CDK19: variants seen among roughly 807,000 people sequenced by gnomAD.
The protein encoded by CDK19 is cyclin-dependent kinase 19.
Under a neutral mutation model 68.3 loss-of-function variants are expected in CDK19, and 20 were observed. That is an observed-to-expected ratio of 0.29 (90% CI 0.21 to 0.43). The LOEUF (loss-of-function observed/expected upper bound fraction) is 0.43, where lower values mean the gene tolerates loss of function less well. CDK19 is among the 20% of genes least tolerant of loss of function. The pLI, the probability that CDK19 is intolerant of heterozygous loss-of-function variation, is 1.00. For synonymous variants in CDK19, 221 were observed against 222.8 expected (o/e 0.99, Z 0.07); for missense variants, 339 against 623.5 (o/e 0.54, Z 4.86).
chr6:110,747,695 C>T (rs1778174052), intron 1 of CDK19, among the ~76,000 whole-genome samples: 1 of 152,112 alleles, frequency 6.6e-6, no homozygotes, highest in Non-Finnish European at 1.5e-5. Flanking sequence ...CTAAAACAAT[C>T]TTTAGTATTT....
chr6:110,680,856 G>A (rs544435850), intron 2 of CDK19, among the ~76,000 whole-genome samples: 36 of 152,076 alleles, frequency 2.4e-4, no homozygotes, highest in African/African-American at 8.0e-4. Context: ...AATTAGCCAC[G>A]TGTGGTGGTA....
Position 110,656,763 on chromosome 6 carries a change from A to T in CDK19, c.456+10671T>A, listed in dbSNP as rs1781331536. ...GAGATAAGGTTTTCTTTTCTCTAAC[A>T]AGAACCAATAAAAAGCAACCATTAT... On this transcript the variant is annotated intron_variant, in intron 4 of 12. Transcript: ENST00000368911. Among the ~76,000 whole-genome samples, 3 of 152,266 alleles carry T rather than the reference A, an allele frequency of 2.0e-5. No homozygotes were observed. The South Asian group carries it at 6.2e-4, about 31-fold the overall frequency.
At position 110,815,250 on chromosome 6, in the gene CDK19, C is replaced by A. The variant is rs1783542707; in HGVS notation, c.-114G>T. 8.4e-7 allele frequency: 1 copy of A among 1,188,358 alleles called. No homozygotes were observed. Among genetic ancestry groups the A allele is most frequent in the Non-Finnish European group, 1.1e-6 (1 of 936,914 alleles). The allele number at this position is 1,188,358 out of a possible 1,614,324, so 73.6% of individuals were successfully genotyped here. ...CTCCAACAGCCGCCTCTCGCGCGCG[C>A]GCGCGCGCCGCCCGCCGCCCGCCGC... On this transcript the variant is annotated 5_prime_UTR_variant, in exon 1 of 13. Coordinates refer to ENST00000368911, the MANE Select transcript of CDK19 (RefSeq NM_015076.5).
At chr6:110,750,748 AG>A (rs1223408542) in intron 1 of CDK19, among the ~76,000 whole-genome samples, 1 of 152,236 alleles carries the variant, frequency 6.6e-6, no homozygotes, top group Non-Finnish European at 1.5e-5. Context: ...TATTGCCTAG[AG>A]GAAGTAGCAC....
At chr6:110,756,345 G>A (rs144338489) in intron 1 of CDK19, among the ~76,000 whole-genome samples, 3 of 151,232 alleles carry the variant, frequency 2.0e-5, no homozygotes, top group East Asian at 3.9e-4. Flanking sequence ...AGCCGAGATT[G>A]CACCATTGTA....
In CDK19 at chr6:110,815,291, C is replaced by T. The variant is rs1783550565; in HGVS notation, c.-155G>A. ...CGCCCGCCGCTCCGCGGTCCGCCTT[C>T]AGCAAGGGACTCCTCGGCGGCCACA... On this transcript the variant is annotated 5_prime_UTR_variant, in exon 1 of 13. An upstream open reading frame in the 5' UTR loses its in-frame stop. Transcript: ENST00000368911. 1 of 775,310 alleles carries T rather than the reference C, an allele frequency of 1.3e-6. No individual in the cohort carries two copies. The allele number at this position is 775,310 out of a possible 1,614,324, so 48.0% of individuals were successfully genotyped here.
chr6:110,772,630 T>A (rs1018718304), intron 1 of CDK19, among the ~76,000 whole-genome samples: 17 of 152,170 alleles, frequency 1.1e-4, no homozygotes, highest in Non-Finnish European at 2.4e-4. Context: ...GCTATAGATC[T>A]CTTTCTAAAA....
intron 1 of CDK19, among the ~76,000 whole-genome samples, chr6:110,752,211 G>A (rs910197979): frequency 1.3e-5 from 2 of 151,882 alleles, no homozygotes; most frequent in South Asian, 2.1e-4. Flanking sequence ...TTTTTATGAT[G>A]AAATTTTTCA....
chr6:110,719,185 T>C (rs902519765), intron 2 of CDK19, among the ~76,000 whole-genome samples: 18 of 151,960 alleles, frequency 1.2e-4, no homozygotes, highest in Non-Finnish European at 2.4e-4. Context: ...CACCACAAGA[T>C]AGCAGAAATA....
chr6:110,803,594 C>A (rs866413704), intron 1 of CDK19, among the ~76,000 whole-genome samples: 1 of 152,010 alleles, frequency 6.6e-6, no homozygotes, highest in East Asian at 1.9e-4. Context: ...CAGAAAAGTC[C>A]TTTTTTAAAT....
At chr6:110,639,037 A>G (rs1176728481) in intron 4 of CDK19, among the ~76,000 whole-genome samples, 10 of 152,232 alleles carry the variant, frequency 6.6e-5, no homozygotes, top group Non-Finnish European at 1.5e-4. Context: ...TATGTGCTTG[A>G]AAAATTTTAT....
chr6:110,805,435 T>G (rs1163918226), intron 1 of CDK19, among the ~76,000 whole-genome samples: 2 of 152,160 alleles, frequency 1.3e-5, no homozygotes, highest in South Asian at 2.1e-4. Flanking sequence ...TGCTTTAAAA[T>G]CTTCTATATT....
chr6:110,744,163 C>T (rs2114867560), intron 2 of CDK19, among the ~76,000 whole-genome samples: 1 of 151,946 alleles, frequency 6.6e-6, no homozygotes, highest in East Asian at 1.9e-4. Context: ...CATGCCACCA[C>T]ACCCAGCTAA....
chr6:110,761,261 T>C (rs1481419731), intron 1 of CDK19, among the ~76,000 whole-genome samples: 2 of 152,064 alleles, frequency 1.3e-5, no homozygotes, highest in Non-Finnish European at 2.9e-5. Flanking sequence ...AATCTGTGAT[T>C]TTTGTAGTCT....
At chr6:110,790,378 T>C (rs934809804) in intron 1 of CDK19, among the ~76,000 whole-genome samples, 2 of 151,860 alleles carry the variant, frequency 1.3e-5, no homozygotes, top group African/African-American at 2.4e-5. Context: ...CTACTAAAAA[T>C]AGAAAAATTA....
intron 2 of CDK19, among the ~76,000 whole-genome samples, chr6:110,740,713 C>T (rs1226890682): frequency 1.3e-5 from 2 of 152,092 alleles, no homozygotes; most frequent in South Asian, 2.1e-4. Flanking sequence ...TTATTTCCGC[C>T]TTAAAATCCT....
intron 1 of CDK19, among the ~76,000 whole-genome samples, chr6:110,747,352 T>C (rs1165258507): frequency 6.6e-6 from 1 of 152,200 alleles, no homozygotes; most frequent in Non-Finnish European, 1.5e-5. Context: ...TTGAAAATTA[T>C]ATCCATTTTT....
At chr6:110,675,667 C>T (rs1350991233) in intron 2 of CDK19, among the ~76,000 whole-genome samples, 2 of 147,694 alleles carry the variant, frequency 1.4e-5, no homozygotes, top group East Asian at 2.1e-4. Context: ...GCTAAATCTA[C>T]TCTACCTGTG....
chr6:110,790,018 A>G (rs1227141390), intron 1 of CDK19, among the ~76,000 whole-genome samples: 1 of 152,226 alleles, frequency 6.6e-6, no homozygotes, highest in Non-Finnish European at 1.5e-5. Flanking sequence ...ACGTTGGGGT[A>G]GGAGTTAGAA....
Sources: allele counts gnomAD v4.1 joint callset (sites outside exome capture counted in the v4.1 genomes callset), GRCh38; gene constraint gnomAD v4.1.1; transcripts MANE v1.5; gene names NCBI Gene and HGNC (gene_info 2026-07-23, HGNC 2026-07-21).